The following ARHGAP22 variants were observed in gnomAD, a reference collection of about 807,000 sequenced individuals.
ARHGAP22 encodes the protein rho GTPase-activating protein 22.
ARHGAP22 carries 48 observed loss-of-function variants against 59.1 expected under a neutral mutation model. The ratio of observed to expected loss-of-function variants is 0.81; its 90% CI spans 0.64 to 1.03. The LOEUF is 1.03. Ranked by LOEUF, ARHGAP22 falls within the 50% of genes least tolerant of loss-of-function variation. ARHGAP22 has a pLI of 0.00. For synonymous variants in ARHGAP22, 445 were observed against 416.4 expected (o/e 1.07, Z -0.84); for missense variants, 1,015 against 958.7 (o/e 1.06, Z -0.78).
chr10:48,637,701 T>A (rs1565038883), intron 1 of ARHGAP22, among the ~76,000 whole-genome samples: 1 of 151,930 alleles, frequency 6.6e-6, no homozygotes, highest in Non-Finnish European at 1.5e-5. Flanking sequence ...GAATTGTGGA[T>A]GAATGGGTGA....
At chr10:48,619,139 G>A (rs1041717828) in intron 1 of ARHGAP22, among the ~76,000 whole-genome samples, 35 of 152,078 alleles carry the variant, frequency 2.3e-4, no homozygotes, top group African/African-American at 8.4e-4. Flanking sequence ...TTTAACCAAG[G>A]TGGTGAAAGA....
At chr10:48,593,432 G>C (rs1339130089) in intron 1 of ARHGAP22, among the ~76,000 whole-genome samples, 5 of 152,234 alleles carry the variant, frequency 3.3e-5, no homozygotes, top group African/African-American at 9.6e-5. Flanking sequence ...ACTGAACCCT[G>C]TATACAGTTT....
downstream of ARHGAP22, among the ~76,000 whole-genome samples, chr10:48,443,065 C>G (rs11599396): frequency 0.31 from 46,626 of 151,872 alleles, 7,273 homozygotes; most frequent in South Asian, 0.39. Context: ...GGAATAAAAA[C>G]GTCTCCTGCA....
intron 1 of ARHGAP22, among the ~76,000 whole-genome samples, chr10:48,641,710 C>T (rs1209519200): frequency 1.3e-5 from 2 of 152,192 alleles, no homozygotes; most frequent in Non-Finnish European, 2.9e-5. Context: ...TCTCTCACCA[C>T]TCCTATTCAA....
At chr10:48,644,062 G>C (rs1042351802) in intron 1 of ARHGAP22, among the ~76,000 whole-genome samples, 4 of 152,154 alleles carry the variant, frequency 2.6e-5, no homozygotes, top group Non-Finnish European at 1.5e-5. Context: ...CAGGAGAATC[G>C]CTTGAACCTG....
chr10:48,653,442 T>C (rs947078868), upstream of ARHGAP22, among the ~76,000 whole-genome samples: 3 of 152,210 alleles, frequency 2.0e-5, no homozygotes, highest in Admixed American at 1.3e-4. Flanking sequence ...GGGAATGTCA[T>C]CTTGGCCCAT....
At chr10:48,486,633 G>GA (rs1352868567) in intron 3 of ARHGAP22, among the ~76,000 whole-genome samples, 4 of 152,138 alleles carry the variant, frequency 2.6e-5, no homozygotes, top group African/African-American at 9.7e-5. Flanking sequence ...AACATCTTTT[G>GA]AAAATATTTA....
At position 48,450,331 on chromosome 10, in the gene ARHGAP22, G is replaced by A. The variant is rs758126317; in HGVS notation, c.1798C>T (p.Gln600Ter). 3 of 1,602,780 alleles carry A rather than the reference G, an allele frequency of 1.9e-6. No homozygotes were observed. Among genetic ancestry groups the A allele is most frequent in the South Asian group, 1.1e-5 (1 of 89,200 alleles). Residue 600 changes from glutamine (Q) to a stop codon, truncating the protein, a stop_gained, in exon 9 of 10, where the codon CAG (glutamine) becomes TAG (stop). Transcript: ENST00000249601. LOFTEE classifies it high-confidence loss of function. ...GCCCTGAGCTCAGTGACCAGCCCCT[G>A]TAAGGCCTCGGAGCGGCGCGCGTGT... ...REHARRSEAL[Q>*]GLVTELRAEL... is the part of the protein sequence containing the mutation.
Position 48,630,038 on chromosome 10 carries a change from T to C in ARHGAP22, c.52+22196A>G, listed in dbSNP as rs188343198. Among the ~76,000 whole-genome samples, 22 of 152,324 alleles carry C rather than the reference T, an allele frequency of 1.4e-4. 1 individual carries two copies. Among genetic ancestry groups the C allele is most frequent in the African/African-American group, 4.6e-4 (19 of 41,568 alleles). On this transcript the variant is annotated intron_variant, in intron 1 of 9. Transcript: ENST00000435790. ...GTGTATGGAAAAGCAAAAAATAGCT[T>C]GCTAGGAGTTTGATTGGGATTGTAC... is the stretch of plus-strand genomic sequence containing the variant.
At position 48,634,167 on chromosome 10, in the gene ARHGAP22, A is replaced by C. The variant is rs372884165; in HGVS notation, c.52+18067T>G. 6.6e-5 allele frequency among the ~76,000 whole-genome samples: 10 copies of C among 152,332 alleles called. No individual in the cohort carries two copies. In the East Asian group the frequency reaches 1.9e-3, roughly 29 times the overall value. On this transcript the variant is annotated intron_variant, in intron 1 of 9. Coordinates refer to the ARHGAP22 transcript ENST00000435790. Reference sequence around the variant, plus strand: ...TTTGGGTGGCGGATTTGATGGGAGCAGCCAAAAGGTGCCATCAATGTCCCT... The same window carrying C: ...TTTGGGTGGCGGATTTGATGGGAGCCGCCAAAAGGTGCCATCAATGTCCCT...
At position 48,446,564 on chromosome 10, in the gene ARHGAP22, GTTC is replaced by G. The variant is rs756888442; in HGVS notation, c.1921_1923del (p.Glu641del). The stretch of plus-strand genomic sequence containing the variant: ...ATGTATTTTTTCTTTTCCTGGTCCA[GTTC>G]TTCTTCTAACCGGGACATTCGTTTT... On this transcript the variant is annotated inframe_deletion, in exon 10 of 10. Coordinates refer to ENST00000249601, the MANE Select transcript of ARHGAP22 (RefSeq NM_021226.4). 6.8e-6 allele frequency: 11 copies of G among 1,614,026 alleles called. No homozygotes were observed. The highest frequency in any genetic ancestry group is 5.3e-5 in the African/African-American group (4 of 74,904).
chr10:48,493,949 T>A (rs1385629881), intron 3 of ARHGAP22, among the ~76,000 whole-genome samples: 1 of 152,210 alleles, frequency 6.6e-6, no homozygotes, highest in Non-Finnish European at 1.5e-5. Flanking sequence ...AATGAATGCA[T>A]GGGAGAAGCC....
the ARHGAP22 span, among the ~76,000 whole-genome samples, chr10:48,433,553 C>T: frequency 6.6e-6 from 1 of 152,168 alleles, no homozygotes; most frequent in African/African-American, 2.4e-5. Flanking sequence ...TACCTCTCAT[C>T]TCTCAGGCCT....
At chr10:48,498,016 A>G in intron 3 of ARHGAP22, among the ~76,000 whole-genome samples, 2 of 152,280 alleles carry the variant, frequency 1.3e-5, no homozygotes, top group South Asian at 4.1e-4. Context: ...GCCTCTGTCT[A>G]TCCCTTAGAG....
At chr10:48,551,112 C>A (rs955072720) in intron 3 of ARHGAP22, among the ~76,000 whole-genome samples, 4 of 152,154 alleles carry the variant, frequency 2.6e-5, no homozygotes, top group Non-Finnish European at 5.9e-5. Context: ...AAATGTAGAC[C>A]TTTCTTTGCT....
At chr10:48,627,882 G>T (rs1292812398) in intron 1 of ARHGAP22, among the ~76,000 whole-genome samples, 1 of 152,210 alleles carries the variant, frequency 6.6e-6, no homozygotes, top group Non-Finnish European at 1.5e-5. Flanking sequence ...CTGGTGTGAG[G>T]CTGGCTTAGC....
At chr10:48,463,628 G>A (rs898403541) in intron 4 of ARHGAP22, among the ~76,000 whole-genome samples, 1 of 152,172 alleles carries the variant, frequency 6.6e-6, no homozygotes, top group Non-Finnish European at 1.5e-5. Context: ...TCTTCGGTCT[G>A]GGCAAATTTC....
intron 1 of ARHGAP22, among the ~76,000 whole-genome samples, chr10:48,622,703 A>G (rs2061325137): frequency 6.6e-6 from 1 of 152,240 alleles, no homozygotes; most frequent in Non-Finnish European, 1.5e-5. Flanking sequence ...TACCACAGCT[A>G]TAAAATGAGG....
At chr10:48,461,958 C>T (rs897425137) in intron 4 of ARHGAP22, among the ~76,000 whole-genome samples, 1 of 152,170 alleles carries the variant, frequency 6.6e-6, no homozygotes, top group Non-Finnish European at 1.5e-5. Context: ...TGATACAGTG[C>T]CTGGCACAGA....
Sources: gnomAD v4.1 joint callset for allele counts (sites outside exome capture counted in the v4.1 genomes callset) on GRCh38, gnomAD v4.1.1 for gene constraint, MANE v1.5 for transcripts, NCBI Gene and HGNC (gene_info 2026-07-23, HGNC 2026-07-21) for gene names.